SLC60A1: variants seen among roughly 807,000 people sequenced by gnomAD.
The protein encoded by SLC60A1 is solute carrier family 60 member 1, also known as major facilitator superfamily domain containing 4.
chr1:205,584,567 G>A, the SLC60A1 span, among the ~76,000 whole-genome samples: 443 of 83,686 alleles, frequency 5.3e-3, 2 homozygotes, highest in Middle Eastern at 0.017. Context: ...AAAAAAAAAA[G>A]AAAATCTTGG....
chr1:205,588,679 T>C, the SLC60A1 span, among the ~76,000 whole-genome samples: 1 of 152,116 alleles, frequency 6.6e-6, no homozygotes, highest in South Asian at 2.1e-4. Context: ...TGTGTCATAT[T>C]CACTGTGACT....
chr1:205,584,919 A>G, the SLC60A1 span: 1 of 1,614,062 alleles, frequency 6.2e-7, no homozygotes, highest in South Asian at 1.1e-5. Context: ...AGAACCTCAG[A>G]GGAGCCCCTT....
At chr1:205,579,491 G>A in the SLC60A1 span, 94,123 of 576,432 alleles carry the variant, frequency 0.16, 8,238 homozygotes, top group Admixed American at 0.26. Context: ...AGGAAATAAC[G>A]TGCAATTGTT....
the SLC60A1 span, among the ~76,000 whole-genome samples, chr1:205,588,051 A>G: frequency 1.3e-5 from 2 of 152,228 alleles, no homozygotes; most frequent in African/African-American, 4.8e-5. Flanking sequence ...AGGAGGAGGC[A>G]TAGCAATCTA....
At chr1:205,588,004 C>G in the SLC60A1 span, among the ~76,000 whole-genome samples, 2 of 152,134 alleles carry the variant, frequency 1.3e-5, no homozygotes, top group East Asian at 3.9e-4. Context: ...AAATCAGGTT[C>G]CTGGGCCCAA....
chr1:205,588,048 G>A, the SLC60A1 span, among the ~76,000 whole-genome samples: 1 of 152,160 alleles, frequency 6.6e-6, no homozygotes, highest in African/African-American at 2.4e-5. Flanking sequence ...TCCAGGAGGA[G>A]GCATAGCAAT....
the SLC60A1 span, among the ~76,000 whole-genome samples, chr1:205,575,591 C>T: frequency 6.6e-6 from 1 of 152,158 alleles, no homozygotes; most frequent in Non-Finnish European, 1.5e-5. Context: ...ATCATGTATG[C>T]CCTGTGGGTA....
the SLC60A1 span, chr1:205,579,833 G>A: frequency 9.3e-6 from 15 of 1,614,162 alleles, no homozygotes; most frequent in East Asian, 1.1e-4. Flanking sequence ...CTGCCGCGAC[G>A]TGAAGGTGCT....
the SLC60A1 span, chr1:205,599,350 C>T: frequency 1.5e-5 from 21 of 1,443,298 alleles, no homozygotes; most frequent in East Asian, 6.9e-5. Context: ...GTGCCAGAAA[C>T]GCTGCTCTGT....
At chr1:205,594,485 A>G in the SLC60A1 span, among the ~76,000 whole-genome samples, 120,303 of 151,818 alleles carry the variant, frequency 0.79, 47,761 homozygotes, top group African/African-American at 0.83. Flanking sequence ...GTGAAACCCC[A>G]GCTCTACTAA....
At chr1:205,589,122 T>C in the SLC60A1 span, among the ~76,000 whole-genome samples, 2 of 152,176 alleles carry the variant, frequency 1.3e-5, no homozygotes, top group Admixed American at 6.5e-5. Context: ...TGGAAATGCA[T>C]GTGGTTTGTA....
chr1:205,570,150 T>G, the SLC60A1 span, among the ~76,000 whole-genome samples: 1 of 152,144 alleles, frequency 6.6e-6, no homozygotes, highest in Non-Finnish European at 1.5e-5. Flanking sequence ...TTGACACTAT[T>G]GCAGAGCCTT....
chr1:205,592,036 T>A, the SLC60A1 span: 1 of 1,500,900 alleles, frequency 6.7e-7, no homozygotes, highest in Non-Finnish European at 9.1e-7. Flanking sequence ...CTCCTTGGGC[T>A]AGAGAGGAAA....
At chr1:205,577,596 G>C in the SLC60A1 span, among the ~76,000 whole-genome samples, 1 of 152,214 alleles carries the variant, frequency 6.6e-6, no homozygotes, top group South Asian at 2.1e-4. The surrounding 1 kb of genome is among the most constrained non-coding windows in gnomAD (Gnocchi z 5.2). Context: ...ACGCTCTGCA[G>C]AATCTGGCCT....
the SLC60A1 span, among the ~76,000 whole-genome samples, chr1:205,576,511 G>A: frequency 6.6e-6 from 1 of 152,232 alleles, no homozygotes; most frequent in Non-Finnish European, 1.5e-5. Flanking sequence ...ACATCTCTGG[G>A]AAGTGGCCAA....
chr1:205,584,943 C>T, the SLC60A1 span: 1 of 1,614,084 alleles, frequency 6.2e-7, no homozygotes, highest in Non-Finnish European at 8.5e-7. Context: ...CCTTCTTTGC[C>T]ATCCACATCA....
the SLC60A1 span, among the ~76,000 whole-genome samples, chr1:205,581,932 G>A: frequency 6.6e-6 from 1 of 152,234 alleles, no homozygotes; most frequent in South Asian, 2.1e-4. The surrounding 1 kb of genome is among the most constrained non-coding windows in gnomAD (Gnocchi z 4.2). Flanking sequence ...GCCCTGACAA[G>A]GGACTGATAG....
chr1:205,576,366 G>A, the SLC60A1 span, among the ~76,000 whole-genome samples: 1 of 152,188 alleles, frequency 6.6e-6, no homozygotes, highest in Admixed American at 6.5e-5. Flanking sequence ...CAGAGAGTGA[G>A]CAAAGGAGGA....
At chr1:205,591,508 G>A in the SLC60A1 span, among the ~76,000 whole-genome samples, 297 of 135,780 alleles carry the variant, frequency 2.2e-3, 11 homozygotes, top group Middle Eastern at 4.1e-3. Flanking sequence ...AAAAAGGAAA[G>A]AAAAGAAAGA....
Sources: gnomAD v4.1 joint callset for allele counts (sites outside exome capture counted in the v4.1 genomes callset) on GRCh38, gnomAD v4.1.1 for gene constraint, Gnocchi (gnomAD v3.1) non-coding constraint, MANE v1.5 for transcripts, NCBI Gene and HGNC (gene_info 2026-07-23, HGNC 2026-07-21) for gene names.